Variants in EXOSC7 observed in about 807,000 individuals in gnomAD.
EXOSC7 encodes the protein exosome complex component RRP42.
EXOSC7 carries 25 observed loss-of-function variants against 34.3 expected under a neutral mutation model. The observed-to-expected ratio is 0.73, with a 90% CI of 0.53 to 1.02. EXOSC7 has a LOEUF of 1.02. EXOSC7 is among the 50% of genes least tolerant of loss of function. The pLI is 0.00. For missense variants in EXOSC7, 370 were observed against 368.5 expected (o/e 1.00, Z -0.03); for synonymous variants, 130 against 143.0 (o/e 0.91, Z 0.65).
intron 7 of EXOSC7, 121 bp downstream of exon 7, chr3:45,007,696 T>C: frequency 1.8e-6 from 2 of 1,105,342 alleles, no homozygotes; most frequent in Non-Finnish European, 1.3e-6. Flanking sequence ...ACTTGGAGAT[T>C]TGGGAACAGC....
At chr3:44,987,771 T>G (rs1706462962) in intron 1 of EXOSC7, among the ~76,000 whole-genome samples, 1 of 152,240 alleles carries the variant, frequency 6.6e-6, no homozygotes, top group African/African-American at 2.4e-5. Context: ...GTTCAGAAAC[T>G]GTGTATACTA....
intron 4 of EXOSC7, among the ~76,000 whole-genome samples, chr3:45,000,273 CCTT>C (rs1206547476): frequency 1.9e-4 from 29 of 152,346 alleles, no homozygotes; most frequent in African/African-American, 6.7e-4. Context: ...TAATCACTAA[CCTT>C]CTTCCTCATA....
intron 5 of EXOSC7, 161 bp from the exon 6 acceptor site, chr3:45,005,130 G>A (rs1706996223): frequency 1.3e-6 from 1 of 752,500 alleles, no homozygotes. Context: ...GGCGCCTCCT[G>A]TGTGCTTTTG....
intron 4 of EXOSC7, among the ~76,000 whole-genome samples, chr3:44,999,564 C>A (rs1266167906): frequency 6.6e-6 from 1 of 152,122 alleles, no homozygotes; most frequent in African/African-American, 2.4e-5. Flanking sequence ...TGGTGCCCAC[C>A]TGTAATCCCA....
At chr3:44,997,298 A>G (rs1706749526) in intron 4 of EXOSC7, 46 bp downstream of exon 4, 1 of 1,558,382 alleles carries the variant, frequency 6.4e-7, no homozygotes, top group Non-Finnish European at 8.8e-7. Flanking sequence ...CTTTGTTGGA[A>G]AGACTAGTTG....
intron 1 of EXOSC7, among the ~76,000 whole-genome samples, chr3:44,985,686 A>G (rs901362687): frequency 4.6e-5 from 7 of 152,280 alleles, no homozygotes; most frequent in African/African-American, 1.7e-4. Context: ...ATTTATTGCA[A>G]AGAGCGAAAG....
At chr3:44,978,164 A>G (rs1002750106) in intron 1 of EXOSC7, among the ~76,000 whole-genome samples, 2 of 152,244 alleles carry the variant, frequency 1.3e-5, no homozygotes, top group Non-Finnish European at 2.9e-5. Context: ...GGTTGAAGTT[A>G]AAGTATACCA....
chr3:45,000,519 A>G (rs1470809255), intron 4 of EXOSC7, among the ~76,000 whole-genome samples: 1 of 152,250 alleles, frequency 6.6e-6, no homozygotes, highest in Non-Finnish European at 1.5e-5. Flanking sequence ...AGGATATGCC[A>G]CCTTCCAGTT....
chr3:45,001,526 T>G lies in EXOSC7; in HGVS notation c.421-12T>G, dbSNP rs747009127. 2 of 1,607,222 alleles carry G rather than the reference T, an allele frequency of 1.2e-6. No individual in the cohort carries two copies. The highest frequency in any genetic ancestry group is 1.7e-5 in the Admixed American group (1 of 59,998). ...TGGTTTTTTTTCCTTTTTCAATTCC[T>G]GTCTCCCTTAGCTTCTGGAATGTGG... On this transcript the variant is annotated splice_polypyrimidine_tract_variant and intron_variant, in intron 4 of 7. Coordinates refer to ENST00000265564, the MANE Select transcript of EXOSC7 (RefSeq NM_015004.4).
At position 44,989,551 on chromosome 3, in the gene EXOSC7, G is replaced by T; in HGVS notation, c.161G>T (p.Gly54Val). 1 of 1,612,456 alleles carries T rather than the reference G, an allele frequency of 6.2e-7. No individual in the cohort carries two copies. The highest frequency in any genetic ancestry group is 1.1e-5 in the South Asian group (1 of 91,028). Reference sequence around the variant, plus strand: ...GACTCTTCTTGCATGTGTCTGCAGGGTCACACAGACATCTTGGTGGGAGTG... The same window carrying T: ...GACTCTTCTTGCATGTGTCTGCAGGTTCACACAGACATCTTGGTGGGAGTG... ...NTSGSARVKL[G>V]HTDILVGVKA... is the part of the protein sequence containing the mutation. The change falls in exon 3 of 8, where the codon GGT (glycine) becomes GTT (valine). Residue 54 changes from glycine (G) to valine (V), a missense_variant and splice_region_variant. Gly to Val is a moderately radical substitution (Grantham distance 109). Around this residue, in one of 3 missense-constraint regions of EXOSC7, gnomAD observed 95 missense variants for 79.8 expected, o/e 1.19. Coordinates refer to ENST00000265564, the MANE Select transcript of EXOSC7 (RefSeq NM_015004.4).
At chr3:45,001,906 C>T (rs1706893196) in intron 5 of EXOSC7, 1 of 341,044 alleles carries the variant, frequency 2.9e-6, no homozygotes, top group Admixed American at 4.5e-5. Context: ...ACACCACCTA[C>T]AGGCCAACTA....
At chr3:44,986,115 C>G (rs116154377) in intron 1 of EXOSC7, among the ~76,000 whole-genome samples, 1 of 151,954 alleles carries the variant, frequency 6.6e-6, no homozygotes. Flanking sequence ...GCCATGCACC[C>G]GCATTCCTCA....
At chr3:44,979,816 G>A (rs1706228375) in intron 1 of EXOSC7, among the ~76,000 whole-genome samples, 1 of 152,218 alleles carries the variant, frequency 6.6e-6, no homozygotes, top group Non-Finnish European at 1.5e-5. Context: ...ATGGCCACTA[G>A]AGGATGTGTC....
chr3:44,999,689 T>A (rs1163564762), intron 4 of EXOSC7, among the ~76,000 whole-genome samples: 7 of 144,720 alleles, frequency 4.8e-5, no homozygotes, highest in East Asian at 2.0e-4. Flanking sequence ...AATCCATCTT[T>A]AAAAAAAAAA....
Position 45,011,252 on chromosome 3 carries a change from C to G in EXOSC7, c.789C>G (p.Gly263=). Residue 263 remains glycine (G), a synonymous_variant, in exon 8 of 8, where the codon GGC becomes GGG. Coordinates refer to ENST00000265564, the MANE Select transcript of EXOSC7 (RefSeq NM_015004.4). ...FEMMETGKRV[G]KVLHASLQSV... ...CTCCACAGACTGGCAAGCGTGTGGG[C>G]AAGGTACTGCATGCCTCCTTGCAGA... The G allele has an allele frequency of 6.2e-7, 1 of 1,612,194 alleles. No homozygotes were observed. Among genetic ancestry groups the G allele is most frequent in the Non-Finnish European group, 8.5e-7 (1 of 1,179,076 alleles).
intron 3 of EXOSC7, among the ~76,000 whole-genome samples, chr3:44,996,646 G>T (rs1032198597): frequency 1.3e-5 from 2 of 152,218 alleles, no homozygotes; most frequent in Admixed American, 1.3e-4. Flanking sequence ...GTGTTCTAAA[G>T]CTGTGAAACT....
At position 44,985,024 on chromosome 3, in the gene EXOSC7, A is replaced by T. The variant is rs79681918; in HGVS notation, c.58-4116A>T. The stretch of plus-strand genomic sequence containing the variant: ...AGTCATGTTCCTAATGATTGTTCAT[A>T]CTTACACCATATTTACACCCCACAA... On this transcript the variant is annotated intron_variant, in intron 1 of 7. Coordinates refer to ENST00000265564, the MANE Select transcript of EXOSC7 (RefSeq NM_015004.4). Among the ~76,000 whole-genome samples the T allele has an allele frequency of 8.2e-3, 1,242 of 152,346 alleles. 13 individuals are homozygous for T. Among genetic ancestry groups the T allele is most frequent in the African/African-American group, 0.029 (1,192 of 41,574 alleles).
At chr3:44,994,074 T>G (rs1056929299) in intron 3 of EXOSC7, among the ~76,000 whole-genome samples, 5 of 152,130 alleles carry the variant, frequency 3.3e-5, no homozygotes, top group African/African-American at 1.2e-4. Context: ...GGTTAGAATT[T>G]TAGCTTACCA....
At chr3:44,976,423 A>G in intron 1 of EXOSC7, 89 bp downstream of exon 1, 3 of 1,165,230 alleles carry the variant, frequency 2.6e-6, no homozygotes, top group South Asian at 3.1e-5. Context: ...GTGAGGAGGC[A>G]GCCGAGCTGC....
Sources: allele counts gnomAD v4.1 joint callset (sites outside exome capture counted in the v4.1 genomes callset), GRCh38; gene constraint gnomAD v4.1.1; regional missense constraint gnomAD v4.1.1; transcripts MANE v1.5; gene names NCBI Gene and HGNC (gene_info 2026-07-23, HGNC 2026-07-21).